The following PSG2 variants were observed in gnomAD, a reference collection of about 807,000 sequenced individuals.
PSG2 encodes pregnancy specific beta-1-glycoprotein 2.
A neutral mutation model predicts 36.2 loss-of-function variants in PSG2; 49 were observed. That is an observed-to-expected ratio of 1.35 (90% CI 1.08 to 1.72). The LOEUF is 1.72. Ranked by LOEUF, PSG2 falls within the 40% of genes most tolerant of loss-of-function variation. The pLI is 0.00. For synonymous variants in PSG2, 261 were observed against 155.6 expected (o/e 1.68, Z -5.04); for missense variants, 605 against 407.2 (o/e 1.49, Z -4.18).
chr19:43,074,064 T>C (rs1409391363), intron 3 of PSG2, among the ~76,000 whole-genome samples: 1 of 151,752 alleles, frequency 6.6e-6, no homozygotes, highest in Non-Finnish European at 1.5e-5. Context: ...TGCACTCGTT[T>C]ATTTTTTAAG....
At position 43,081,184 on chromosome 19, in the gene PSG2, G is replaced by A; in HGVS notation, c.127C>T (p.Pro43Ser). The part of the protein sequence containing the change: ...TAQVTIEAQP[P>S]KVSEGKDVLL... The stretch of plus-strand genomic sequence containing the variant: ...ACATCCTTCCCCTCGGAAACTTTTG[G>A]TGGCTGGGCTTCAATCGTGACTTGG... Residue 43 changes from proline (P) to serine (S), a missense_variant, in exon 2 of 6, where the codon CCA (proline) becomes TCA (serine). Transcript: ENST00000406487. 1 of 1,612,710 alleles carries A rather than the reference G, an allele frequency of 6.2e-7. No individual in the cohort carries two copies. Among genetic ancestry groups the A allele is most frequent in the Admixed American group, 1.7e-5 (1 of 59,912 alleles).
At chr19:43,069,648 T>C (rs573079655) in intron 4 of PSG2, among the ~76,000 whole-genome samples, 3 of 151,770 alleles carry the variant, frequency 2.0e-5, no homozygotes, top group Admixed American at 2.0e-4. Flanking sequence ...AAGCTGGATA[T>C]TCAAGGGCAA....
At position 43,064,345 on chromosome 19, in the gene PSG2, C is replaced by G. The variant is rs697731; in HGVS notation, c.*297G>C. 3.5e-6 allele frequency: 1 copy of G among 283,888 alleles called. No individual in the cohort carries two copies. The highest frequency in any genetic ancestry group is 2.2e-5 in the African/African-American group (1 of 44,568). The allele number at this position is 283,888 out of a possible 1,614,324, so 17.6% of individuals were successfully genotyped here. ...ACAAAAGTATACTTTACCAATTGCT[C>G]AAGAAAAAATGTTCATAAATCTGGA... On this transcript the variant is annotated 3_prime_UTR_variant, in exon 6 of 6. Transcript: ENST00000406487.
At chr19:43,076,267 C>G (rs556715347) in intron 2 of PSG2, among the ~76,000 whole-genome samples, 3 of 151,672 alleles carry the variant, frequency 2.0e-5, no homozygotes, top group South Asian at 2.1e-4. Context: ...CCAGTGACCT[C>G]TAAAGATAGA....
intron 2 of PSG2, among the ~76,000 whole-genome samples, chr19:43,077,985 C>T (rs1170809438): frequency 6.6e-6 from 1 of 151,614 alleles, no homozygotes; most frequent in African/African-American, 2.4e-5. Context: ...AGCTCTATAG[C>T]AGGTTGAGGA....
At position 43,072,405 on chromosome 19, in the gene PSG2, T is replaced by C. The variant is rs1415694379; in HGVS notation, c.710-451A>G. 43 of 1,612,606 alleles carry C rather than the reference T, an allele frequency of 2.7e-5. 2 individuals are homozygous for C. In the Middle Eastern group the frequency reaches 2.6e-3, roughly 99 times the overall value. ...TGGATGCCACCATATCGGTCCCGTA[T>C]TTCACATTCATAGGGTCCTGTTTCA... On this transcript the variant is annotated intron_variant, in intron 3 of 5. Transcript: ENST00000406487.
intron 3 of PSG2, among the ~76,000 whole-genome samples, 166 bp from the exon 4 acceptor site, chr19:43,072,120 T>C (rs1220884577): frequency 1.3e-5 from 2 of 151,556 alleles, no homozygotes; most frequent in East Asian, 1.9e-4. Context: ...CACCTGTTTC[T>C]CCCACCACAA....
In PSG2 at chr19:43,071,789, G is replaced by T. The variant is rs759848337; in HGVS notation, c.875C>A (p.Thr292Asn). ...AACATAGAGCCCGCTATGCTTTGTA[G>T]TAATTTGGGGGATAAACAGATTTTG... is the stretch of plus-strand genomic sequence containing the variant. ...SGQNLFIPQI[T>N]TKHSGLYVCS... Residue 292 changes from threonine to asparagine, a missense_variant, in exon 4 of 6, where the codon ACT becomes AAT. Transcript: ENST00000406487. The T allele has an allele frequency of 1.2e-6, 2 of 1,612,772 alleles. No homozygotes were observed.
intron 2 of PSG2, among the ~76,000 whole-genome samples, chr19:43,079,980 C>T (rs1236403905): frequency 5.9e-5 from 9 of 151,708 alleles, no homozygotes; most frequent in South Asian, 2.1e-4. Flanking sequence ...ATCAAATAAG[C>T]TAAATGGCAA....
chr19:43,082,594 C>T lies in PSG2; in HGVS notation c.-25G>A. On this transcript the variant is annotated 5_prime_UTR_variant, in exon 1 of 6. Coordinates refer to ENST00000406487, the MANE Select transcript of PSG2 (RefSeq NM_031246.4). ...TGGTCTCTGCTGCCTGTGTGTTCTC[C>T]TCTGTGGAGATGAGCCTAGGATCCA... The T allele has an allele frequency of 6.2e-7, 1 of 1,609,796 alleles. No individual in the cohort carries two copies. Among genetic ancestry groups the T allele is most frequent in the Non-Finnish European group, 8.5e-7 (1 of 1,177,566 alleles).
chr19:43,070,855 A>G (rs914097243), intron 4 of PSG2, among the ~76,000 whole-genome samples: 1 of 151,672 alleles, frequency 6.6e-6, no homozygotes, highest in Non-Finnish European at 1.5e-5. Flanking sequence ...AGTGTCTGGT[A>G]GTCTTACCCT....
intron 2 of PSG2, among the ~76,000 whole-genome samples, chr19:43,076,382 C>T (rs1366673621): frequency 1.3e-5 from 2 of 151,658 alleles, no homozygotes; most frequent in Non-Finnish European, 2.9e-5. Flanking sequence ...TGCTCCCTTC[C>T]CCCTGTAGAG....
intron 2 of PSG2, among the ~76,000 whole-genome samples, chr19:43,078,858 C>T (rs1323328012): frequency 6.6e-6 from 1 of 151,580 alleles, no homozygotes; most frequent in Non-Finnish European, 1.5e-5. Flanking sequence ...GAGGGACTTC[C>T]TATCCCTGTC....
At chr19:43,071,615 A>G in intron 4 of PSG2, 85 bp downstream of exon 4, 1 of 1,611,386 alleles carries the variant, frequency 6.2e-7, no homozygotes, top group Non-Finnish European at 8.5e-7. Context: ...CAGGCTGGGA[A>G]TAAAAATGTT....
rs1407806864 is a variant in PSG2, at chr19:43,064,517, A to G, written c.*125T>C. 2 of 593,144 alleles carry G rather than the reference A, an allele frequency of 3.4e-6. No homozygotes were observed. Among genetic ancestry groups the G allele is most frequent in the Non-Finnish European group, 6.2e-6 (2 of 322,890 alleles). 36.7% of individuals were successfully genotyped at this position (593,144 alleles called of 1,614,324 possible). A position where few individuals can be genotyped will look rare whatever the true frequency, so the allele number is the denominator to read the frequency against. On this transcript the variant is annotated 3_prime_UTR_variant, in exon 6 of 6. Transcript: ENST00000406487. ...TATCAGCCTGTTCATTAAAATTTTGAAAGTTCTTAGTCCAGTGGTATGATC... is the reference window on the plus strand; with the variant it reads ...TATCAGCCTGTTCATTAAAATTTTGGAAGTTCTTAGTCCAGTGGTATGATC...
intron 1 of PSG2, 54 bp from the exon 2 acceptor site, chr19:43,081,300 A>C: frequency 6.4e-7 from 1 of 1,563,316 alleles, no homozygotes; most frequent in Non-Finnish European, 8.7e-7. Flanking sequence ...TTGGGGTGAA[A>C]AGATGGGGCC....
At chr19:43,074,446 C>G (rs552295870) in intron 3 of PSG2, among the ~76,000 whole-genome samples, 2 of 151,532 alleles carry the variant, frequency 1.3e-5, no homozygotes, top group South Asian at 2.1e-4. Context: ...TATTTTATTC[C>G]TTTTGATGTT....
Position 43,080,966 on chromosome 19 carries a change from C to A in PSG2, c.345G>T (p.Glu115Asp), listed in dbSNP as rs542204636. ...ASLLIQNVTR[E>D]DAGSYTLHII... ...TGTGTAAGGTGTAGGATCCTGCGTCCTCCCGGGTGACATTCTGGATCAGCA... is the reference window on the plus strand; with the variant it reads ...TGTGTAAGGTGTAGGATCCTGCGTCATCCCGGGTGACATTCTGGATCAGCA... Residue 115 changes from glutamate to aspartate, a missense_variant, in exon 2 of 6, where the codon GAG becomes GAT. Glu to Asp is a conservative substitution (Grantham distance 45). Coordinates refer to ENST00000406487, the MANE Select transcript of PSG2 (RefSeq NM_031246.4). 6.2e-7 allele frequency: 1 copy of A among 1,613,078 alleles called. No homozygotes were observed. The highest frequency in any genetic ancestry group is 1.1e-5 in the South Asian group (1 of 91,036).
intron 1 of PSG2, 73 bp downstream of exon 1, chr19:43,082,433 A>T: frequency 6.3e-7 from 1 of 1,581,670 alleles, no homozygotes; most frequent in Non-Finnish European, 8.7e-7. Flanking sequence ...TTAGAACCCC[A>T]TCCTCTCCAG....
Sources: allele counts gnomAD v4.1 joint callset (sites outside exome capture counted in the v4.1 genomes callset), GRCh38; gene constraint gnomAD v4.1.1; transcripts MANE v1.5; gene names NCBI Gene and HGNC (gene_info 2026-07-23, HGNC 2026-07-21).